ENPP6: variants seen among roughly 807,000 people sequenced by gnomAD.
ENPP6 encodes ectonucleotide pyrophosphatase/phosphodiesterase 6, also known as glycerophosphocholine cholinephosphodiesterase ENPP6.
Under a neutral mutation model 42.0 loss-of-function variants are expected in ENPP6, and 32 were observed. That is an observed-to-expected ratio of 0.76 (90% CI 0.58 to 1.02). The LOEUF is 1.02. Among genes scored for constraint, ENPP6 ranks in the 50% least tolerant of loss-of-function variants. The pLI, the probability that ENPP6 is intolerant of heterozygous loss-of-function variation, is 0.00. For synonymous variants in ENPP6, 213 were observed against 216.0 expected, an observed-to-expected ratio of 0.99 and a Z score of 0.12; for missense variants, 552 against 566.8, an observed-to-expected ratio of 0.97 and a Z score of 0.27.
intron 1 of ENPP6, among the ~76,000 whole-genome samples, chr4:184,178,892 G>C (rs899237116): frequency 2.0e-5 from 3 of 152,090 alleles, no homozygotes; most frequent in African/African-American, 7.2e-5. Flanking sequence ...ATATGGAAAG[G>C]AAAAACCATT....
At chr4:184,207,231 G>C (rs1229231563) in intron 1 of ENPP6, among the ~76,000 whole-genome samples, 1 of 152,192 alleles carries the variant, frequency 6.6e-6, no homozygotes, top group African/African-American at 2.4e-5. Flanking sequence ...TAAAATTCTA[G>C]ACTGGCTTCC....
At chr4:184,109,244 A>AC (rs1258174179) in intron 6 of ENPP6, among the ~76,000 whole-genome samples, 48 of 119,160 alleles carry the variant, frequency 4.0e-4, no homozygotes, top group African/African-American at 1.1e-3. Flanking sequence ...AAAAAAAAAC[A>AC]AAACAAACAA....
chr4:184,093,046 G>T (rs1362635953), intron 7 of ENPP6, among the ~76,000 whole-genome samples: 2 of 152,144 alleles, frequency 1.3e-5, no homozygotes, highest in Non-Finnish European at 2.9e-5. Flanking sequence ...AGCACGTTTT[G>T]CTCCCTTTGG....
Position 184,162,777 on chromosome 4 carries a change from C to A in ENPP6, c.242-9044G>T, listed in dbSNP as rs577617804. ...TGCTAGATGCGGGGCTAGCACAATT[C>A]GAGATGGTCACAGCTGGACTCACTC... On this transcript the variant is annotated intron_variant, in intron 1 of 7. Coordinates refer to ENST00000296741, the MANE Select transcript of ENPP6 (RefSeq NM_153343.4). 5.1e-4 allele frequency among the ~76,000 whole-genome samples: 78 copies of A among 152,290 alleles called. No individual in the cohort carries two copies. In the South Asian group the frequency reaches 9.1e-3, roughly 18 times the overall value.
chr4:184,163,422 G>T (rs73007860), intron 1 of ENPP6, among the ~76,000 whole-genome samples: 12,604 of 152,106 alleles, frequency 0.083, 718 homozygotes, highest in African/African-American at 0.15. Flanking sequence ...CCTGAACCTG[G>T]ACCTCCCGGC....
chr4:184,165,526 T>A (rs1737333875), intron 1 of ENPP6, among the ~76,000 whole-genome samples: 2 of 152,212 alleles, frequency 1.3e-5, no homozygotes, highest in African/African-American at 2.4e-5. Flanking sequence ...CAGGCCTGAT[T>A]CTGAGACTCT....
chr4:184,097,963 C>T (rs370852492), intron 6 of ENPP6, among the ~76,000 whole-genome samples: 4 of 152,280 alleles, frequency 2.6e-5, no homozygotes, highest in African/African-American at 2.4e-5. Context: ...CTCACGTCTG[C>T]GCGATGAAGC....
At chr4:184,181,678 A>C (rs1487382663) in intron 1 of ENPP6, among the ~76,000 whole-genome samples, 3 of 152,202 alleles carry the variant, frequency 2.0e-5, no homozygotes, top group Non-Finnish European at 4.4e-5. Context: ...GACAAATGGA[A>C]CAGAATAGAA....
chr4:184,102,132 A>C (rs1016183093), intron 6 of ENPP6, among the ~76,000 whole-genome samples: 3 of 152,232 alleles, frequency 2.0e-5, no homozygotes, highest in Non-Finnish European at 4.4e-5. Flanking sequence ...AAGAAAATGC[A>C]ACATTTGCGC....
At chr4:184,189,192 T>C (rs1579656578) in intron 1 of ENPP6, among the ~76,000 whole-genome samples, 2 of 152,192 alleles carry the variant, frequency 1.3e-5, no homozygotes, top group Admixed American at 1.3e-4. Flanking sequence ...CTTCCTTTCC[T>C]GGCCATGGAA....
At chr4:184,214,239 A>G (rs1278243524) in intron 1 of ENPP6, among the ~76,000 whole-genome samples, 1 of 152,004 alleles carries the variant, frequency 6.6e-6, no homozygotes, top group Non-Finnish European at 1.5e-5. Context: ...TTAAAGTATA[A>G]TAATAAAAAA....
chr4:184,130,385 T>G (rs7665687), intron 2 of ENPP6, among the ~76,000 whole-genome samples: 1 of 139,520 alleles, frequency 7.2e-6, no homozygotes, highest in Non-Finnish European at 1.6e-5. Context: ...GGTGAAACCC[T>G]GTCTCTACTA....
chr4:184,138,281 G>T lies in ENPP6; in HGVS notation c.422-14009C>A, dbSNP rs138322982. On this transcript the variant is annotated intron_variant, in intron 2 of 7. Coordinates refer to ENST00000296741, the MANE Select transcript of ENPP6 (RefSeq NM_153343.4). ...ATATATAGAAATAGAAGGAGTTTTT[G>T]TACCAATGTCATTTAATTCTTTGAA... Among the ~76,000 whole-genome samples, 964 of 152,306 alleles carry T rather than the reference G, an allele frequency of 6.3e-3. 15 individuals are homozygous for T. Among genetic ancestry groups the T allele is most frequent in the African/African-American group, 0.022 (919 of 41,572 alleles).
At chr4:184,107,558 C>A (rs1483678595) in intron 6 of ENPP6, among the ~76,000 whole-genome samples, 1 of 152,052 alleles carries the variant, frequency 6.6e-6, no homozygotes, top group African/African-American at 2.4e-5. Context: ...GGGCAGATCA[C>A]AAGGTCAGGA....
chr4:184,197,247 A>G (rs1021442893), intron 1 of ENPP6, among the ~76,000 whole-genome samples: 1 of 151,478 alleles, frequency 6.6e-6, no homozygotes, highest in Non-Finnish European at 1.5e-5. Context: ...CCTGGGCCAA[A>G]TTGTTGATGA....
Position 184,094,453 on chromosome 4 carries a change from C to T in ENPP6, c.1117+2792G>A, listed in dbSNP as rs75335765. 3.3e-3 allele frequency among the ~76,000 whole-genome samples: 505 copies of T among 152,354 alleles called. 2 individuals are homozygous for T. The highest frequency in any genetic ancestry group is 0.011 in the African/African-American group (454 of 41,586). ...GATTTCTTTCCCATCCCACCTAGTT[C>T]GTGGCCTCCTGCTGCGCAGGGATAG... On this transcript the variant is annotated intron_variant, in intron 7 of 7. Coordinates refer to ENST00000296741, the MANE Select transcript of ENPP6 (RefSeq NM_153343.4).
intron 2 of ENPP6, among the ~76,000 whole-genome samples, chr4:184,143,933 G>T (rs1736873905): frequency 6.6e-6 from 1 of 152,192 alleles, no homozygotes; most frequent in South Asian, 2.1e-4. Flanking sequence ...CACACCAAGG[G>T]CTCAGGTGAG....
At chr4:184,128,025 T>C (rs775390154) in intron 2 of ENPP6, among the ~76,000 whole-genome samples, 15 of 152,036 alleles carry the variant, frequency 9.9e-5, no homozygotes, top group Non-Finnish European at 2.1e-4. Context: ...CAGAACAGCA[T>C]AGCTTTTGAG....
At position 184,136,158 on chromosome 4, in the gene ENPP6, C is replaced by T. The variant is rs140076491; in HGVS notation, c.422-11886G>A. Among the ~76,000 whole-genome samples the T allele has an allele frequency of 4.5e-3, 675 of 149,372 alleles. 7 individuals are homozygous for T. The highest frequency in any genetic ancestry group is 0.014 in the African/African-American group (574 of 41,194). ...ACCTCTTCCTTGCAAAGGGCCCCAG[C>T]GATGATAAAAATGGAAATATTAGTC... On this transcript the variant is annotated intron_variant, in intron 2 of 7. Coordinates refer to ENST00000296741, the MANE Select transcript of ENPP6 (RefSeq NM_153343.4).
Sources: allele counts gnomAD v4.1 joint callset (sites outside exome capture counted in the v4.1 genomes callset), GRCh38; gene constraint gnomAD v4.1.1; transcripts MANE v1.5; gene names NCBI Gene and HGNC (gene_info 2026-07-23, HGNC 2026-07-21).